The following RSU1 variants were observed in gnomAD, a reference collection of about 807,000 sequenced individuals.
The protein encoded by RSU1 is Ras suppressor protein 1.
Under a neutral mutation model 31.1 loss-of-function variants are expected in RSU1, and 26 were observed. The observed-to-expected ratio is 0.84, with a 90% CI of 0.61 to 1.16. RSU1 has a LOEUF of 1.16. RSU1 is among the 50% of genes most tolerant of loss of function. RSU1 has a pLI of 0.00. For missense variants in RSU1, 320 were observed against 339.1 expected (o/e 0.94, Z 0.44); for synonymous variants, 164 against 136.3 (o/e 1.20, Z -1.41).
At chr10:16,719,190 C>A (rs576080581) in intron 7 of RSU1, among the ~76,000 whole-genome samples, 2 of 152,130 alleles carry the variant, frequency 1.3e-5, no homozygotes, top group Admixed American at 1.3e-4. Context: ...TGCCTCTAGT[C>A]CCAGCTACTC....
rs1353873822 is a variant in RSU1, at chr10:16,683,457, T to G, written c.731+11566A>C. Among the ~76,000 whole-genome samples, 5 of 152,306 alleles carry G rather than the reference T, an allele frequency of 3.3e-5. No individual in the cohort carries two copies. In the East Asian group the frequency reaches 9.6e-4, roughly 29 times the overall value. ...CTGTTTTCCACTATAATGGTTAATT[T>G]GTAAATCATCTCATTGGGAAGACAG... On this transcript the variant is annotated intron_variant, in intron 8 of 8. Coordinates refer to ENST00000345264, the MANE Select transcript of RSU1 (RefSeq NM_012425.4).
chr10:16,605,422 A>G (rs1201381090), intron 8 of RSU1, among the ~76,000 whole-genome samples: 2 of 152,214 alleles, frequency 1.3e-5, no homozygotes, highest in African/African-American at 4.8e-5. Flanking sequence ...ACTTAATGAA[A>G]GTGTGTATAG....
chr10:16,705,494 T>G (rs912717286), intron 7 of RSU1, among the ~76,000 whole-genome samples: 2 of 152,124 alleles, frequency 1.3e-5, no homozygotes, highest in Non-Finnish European at 2.9e-5. Context: ...CCCATGCATT[T>G]TATTTATTTT....
intron 2 of RSU1, among the ~76,000 whole-genome samples, chr10:16,785,558 T>C (rs1837773945): frequency 6.8e-6 from 1 of 146,660 alleles, no homozygotes; most frequent in South Asian, 2.1e-4. Flanking sequence ...AGAACCCTAA[T>C]ACAGGAGGGA....
chr10:16,678,455 T>A (rs1835271879), intron 8 of RSU1, among the ~76,000 whole-genome samples: 1 of 152,184 alleles, frequency 6.6e-6, no homozygotes, highest in South Asian at 2.1e-4. Context: ...CGGGACTCAT[T>A]TTACGAGGTG....
intron 7 of RSU1, among the ~76,000 whole-genome samples, chr10:16,741,679 A>G (rs1438774765): frequency 2.0e-5 from 3 of 152,306 alleles, no homozygotes; most frequent in Non-Finnish European, 4.4e-5. Flanking sequence ...AGGGAACATT[A>G]AAGAGCTCTA....
intron 3 of RSU1, among the ~76,000 whole-genome samples, chr10:16,778,244 C>A (rs1837577164): frequency 6.6e-6 from 1 of 151,998 alleles, no homozygotes; most frequent in Admixed American, 6.6e-5. Flanking sequence ...TCACGCTCTA[C>A]CATGTTTGAA....
At chr10:16,798,384 C>T (rs1166456034) in intron 2 of RSU1, among the ~76,000 whole-genome samples, 1 of 152,186 alleles carries the variant, frequency 6.6e-6, no homozygotes, top group Non-Finnish European at 1.5e-5. Context: ...CTGTAATCCT[C>T]ATAATCTTCG....
intron 8 of RSU1, among the ~76,000 whole-genome samples, chr10:16,618,422 T>C (rs1216494599): frequency 6.6e-6 from 1 of 152,222 alleles, no homozygotes; most frequent in Non-Finnish European, 1.5e-5. Flanking sequence ...GTGTGGCGAT[T>C]CCTCAAGGAT....
chr10:16,649,878 C>T (rs1834647501), intron 8 of RSU1, among the ~76,000 whole-genome samples: 1 of 152,142 alleles, frequency 6.6e-6, no homozygotes, highest in Non-Finnish European at 1.5e-5. Context: ...CCCAATTTAT[C>T]ACTGTGAAAA....
At chr10:16,785,479 T>C (rs1489421769) in intron 2 of RSU1, among the ~76,000 whole-genome samples, 1 of 137,844 alleles carries the variant, frequency 7.3e-6, no homozygotes, top group Non-Finnish European at 1.6e-5. Flanking sequence ...TACACATATA[T>C]ACATATATAC....
At chr10:16,646,620 G>A (rs1298300105) in intron 8 of RSU1, among the ~76,000 whole-genome samples, 2 of 152,102 alleles carry the variant, frequency 1.3e-5, no homozygotes, top group Non-Finnish European at 1.5e-5. Context: ...GTATGTCACC[G>A]AGGCAGGGCC....
chr10:16,816,566 C>T (rs923839386), intron 2 of RSU1, among the ~76,000 whole-genome samples: 3 of 152,218 alleles, frequency 2.0e-5, no homozygotes, highest in African/African-American at 7.2e-5. Flanking sequence ...TAAAACGCTC[C>T]AGGCACAAGA....
intron 2 of RSU1, among the ~76,000 whole-genome samples, chr10:16,801,127 T>C (rs1416628577): frequency 6.6e-6 from 1 of 151,498 alleles, no homozygotes; most frequent in Non-Finnish European, 1.5e-5. Context: ...AACTATATGT[T>C]ATCTATGAGA....
chr10:16,627,618 A>T (rs1030174243), intron 8 of RSU1, among the ~76,000 whole-genome samples: 1 of 152,018 alleles, frequency 6.6e-6, no homozygotes, highest in African/African-American at 2.4e-5. Flanking sequence ...CCAGGCATGG[A>T]TGGTGGTGCA....
At chr10:16,593,636 T>C (rs1833552830) in intron 8 of RSU1, 140 bp from the exon 9 acceptor site, 1 of 683,214 alleles carries the variant, frequency 1.5e-6, no homozygotes, top group East Asian at 2.6e-5. Flanking sequence ...TTCTGTGTTC[T>C]CTGGGTGCTA....
intron 8 of RSU1, among the ~76,000 whole-genome samples, chr10:16,634,296 C>T (rs748143914): frequency 6.6e-6 from 1 of 152,148 alleles, no homozygotes; most frequent in Non-Finnish European, 1.5e-5. Flanking sequence ...AAACACTTGC[C>T]CAGCAGTACT....
At chr10:16,757,354 C>T (rs117683883) in intron 4 of RSU1, among the ~76,000 whole-genome samples, 392 of 152,192 alleles carry the variant, frequency 2.6e-3, no homozygotes, top group Non-Finnish European at 4.0e-3. Context: ...CAGCTCCATC[C>T]AGCCCTACCA....
intron 7 of RSU1, among the ~76,000 whole-genome samples, chr10:16,699,501 T>G (rs1835744073): frequency 6.6e-6 from 1 of 152,186 alleles, no homozygotes; most frequent in African/African-American, 2.4e-5. Flanking sequence ...CCCTTTTAAG[T>G]AATAACATGC....
Sources: allele counts gnomAD v4.1 joint callset (sites outside exome capture counted in the v4.1 genomes callset), GRCh38; gene constraint gnomAD v4.1.1; transcripts MANE v1.5; gene names NCBI Gene and HGNC (gene_info 2026-07-23, HGNC 2026-07-21).